GLIS1: variants seen among roughly 807,000 people sequenced by gnomAD.
GLIS1 encodes GLIS family zinc finger 1, also known as zinc finger protein GLIS1.
Under a neutral mutation model 63.8 loss-of-function variants are expected in GLIS1, and 24 were observed. That is an observed-to-expected ratio of 0.38 (90% CI 0.27 to 0.53). The LOEUF is 0.53. GLIS1 is among the 20% of genes least tolerant of loss of function. GLIS1 has a pLI of 0.85. For synonymous variants in GLIS1, 450 were observed against 482.5 expected, an observed-to-expected ratio of 0.93 and a Z score of 0.88; for missense variants, 1,036 against 1,074.1, an observed-to-expected ratio of 0.96 and a Z score of 0.50.
chr1:53,577,463 A>G (rs1244840035), intron 4 of GLIS1, among the ~76,000 whole-genome samples: 1 of 152,126 alleles, frequency 6.6e-6, no homozygotes, highest in Non-Finnish European at 1.5e-5. Flanking sequence ...CAAACACGTG[A>G]GTCTTACTGG....
intron 2 of GLIS1, among the ~76,000 whole-genome samples, chr1:53,731,983 C>T (rs1646866066): frequency 6.6e-6 from 1 of 152,218 alleles, no homozygotes; most frequent in African/African-American, 2.4e-5. Flanking sequence ...AGGCTCAAAG[C>T]ACAGGGCACG....
rs535147501 is a variant in GLIS1, at chr1:53,692,220, C to T, written c.259+45586G>A. 1.4e-4 allele frequency among the ~76,000 whole-genome samples: 21 copies of T among 152,292 alleles called. No individual in the cohort carries two copies. In the South Asian group the frequency reaches 2.3e-3, roughly 17 times the overall value. On this transcript the variant is annotated intron_variant, in intron 2 of 10. Transcript: ENST00000628545. ...TATAGAACAATAAAGCCCCTTTGAA[C>T]GAAGCACACCACGTAATGAGGCTTA...
intron 2 of GLIS1, among the ~76,000 whole-genome samples, chr1:53,670,855 T>G (rs60173571): frequency 0.01 from 1,581 of 152,354 alleles, 22 homozygotes; most frequent in African/African-American, 0.036. Flanking sequence ...TGAAGATGTT[T>G]ATCACGTTAC....
At chr1:53,613,101 G>A (rs1259011453) in intron 2 of GLIS1, among the ~76,000 whole-genome samples, 1 of 152,190 alleles carries the variant, frequency 6.6e-6, no homozygotes, top group Non-Finnish European at 1.5e-5. Context: ...TTACAGGCGT[G>A]AGCCCAGCCA....
chr1:53,660,909 C>T (rs1646020880), intron 2 of GLIS1, among the ~76,000 whole-genome samples: 1 of 152,184 alleles, frequency 6.6e-6, no homozygotes, highest in African/African-American at 2.4e-5. Flanking sequence ...GGACCACAGT[C>T]AGCAGCCAAG....
At chr1:53,529,642 A>T (rs1557434122) in intron 5 of GLIS1, 149 bp downstream of exon 5, 1 of 742,662 alleles carries the variant, frequency 1.3e-6, no homozygotes, top group Non-Finnish European at 2.2e-6. Context: ...TAGAATGCAG[A>T]GGACACCATC....
chr1:53,624,751 A>G (rs1645578265), intron 2 of GLIS1, among the ~76,000 whole-genome samples: 1 of 152,168 alleles, frequency 6.6e-6, no homozygotes, highest in Admixed American at 6.5e-5. Context: ...TTAGAAAGTG[A>G]AAAGGCAAGG....
chr1:53,707,072 T>C lies in GLIS1; in HGVS notation c.259+30734A>G, dbSNP rs190962499. 3.9e-5 allele frequency among the ~76,000 whole-genome samples: 6 copies of C among 152,254 alleles called. No individual in the cohort carries two copies. In the East Asian group the frequency reaches 7.7e-4, roughly 20 times the overall value. ...CATTCCCCCCGACCCATTTTCCTCA[T>C]ATGGGGGATGCAGGAAAGGATAATA... On this transcript the variant is annotated intron_variant, in intron 2 of 10. Coordinates refer to ENST00000628545, the MANE Select transcript of GLIS1 (RefSeq NM_001367484.1).
chr1:53,506,558 A>G lies in GLIS1; in HGVS notation c.*61T>C. On this transcript the variant is annotated 3_prime_UTR_variant, in exon 11 of 11. Coordinates refer to ENST00000628545, the MANE Select transcript of GLIS1 (RefSeq NM_001367484.1). ...GCTAGGTGCACGGAGGGTGGGAGCG[A>G]CAGCAGGTGGGCGAGGTGGCATCTG... The G allele has an allele frequency of 6.4e-7, 1 of 1,555,014 alleles. No individual in the cohort carries two copies. Among genetic ancestry groups the G allele is most frequent in the South Asian group, 1.2e-5 (1 of 86,722 alleles).
intron 4 of GLIS1, among the ~76,000 whole-genome samples, chr1:53,531,656 C>T (rs1644532183): frequency 6.6e-6 from 1 of 152,172 alleles, no homozygotes; most frequent in African/African-American, 2.4e-5. Context: ...GTGGGAGATG[C>T]ACACACGCAC....
At chr1:53,540,148 G>A (rs12750757) in intron 4 of GLIS1, among the ~76,000 whole-genome samples, 44,350 of 151,996 alleles carry the variant, frequency 0.29, 7,844 homozygotes, top group Non-Finnish European at 0.39. Context: ...CTCAGAGCTC[G>A]GCCCTGGGAG....
At chr1:53,593,947 A>G (rs1645219534) in intron 4 of GLIS1, among the ~76,000 whole-genome samples, 161 bp downstream of exon 4, 1 of 152,208 alleles carries the variant, frequency 6.6e-6, no homozygotes, top group African/African-American at 2.4e-5. Flanking sequence ...GACCGTCTTG[A>G]CCAGGGGCCA....
chr1:53,621,484 T>C (rs1428774990), intron 2 of GLIS1, among the ~76,000 whole-genome samples: 2 of 152,258 alleles, frequency 1.3e-5, no homozygotes, highest in Admixed American at 1.3e-4. Flanking sequence ...CAAGTGCCAG[T>C]TGGCTAAAAA....
intron 4 of GLIS1, among the ~76,000 whole-genome samples, chr1:53,577,170 C>G (rs1226411074): frequency 6.6e-6 from 1 of 151,536 alleles, no homozygotes; most frequent in Non-Finnish European, 1.5e-5. Flanking sequence ...TGAGGCTGAC[C>G]ACACCCCTCT....
chr1:53,715,688 G>A (rs949681076), intron 2 of GLIS1, among the ~76,000 whole-genome samples: 1 of 152,104 alleles, frequency 6.6e-6, no homozygotes, highest in Non-Finnish European at 1.5e-5. Flanking sequence ...AGCTGCCGGT[G>A]CAGGGAGACA....
In GLIS1 at chr1:53,600,174, G is replaced by T; in HGVS notation, c.364C>A (p.Pro122Thr). 8.1e-7 allele frequency: 1 copy of T among 1,231,660 alleles called. No individual in the cohort carries two copies. Among genetic ancestry groups the T allele is most frequent in the Non-Finnish European group, 1.0e-6 (1 of 987,542 alleles). The allele number at this position is 1,231,660 out of a possible 1,614,324, so 76.3% of individuals were successfully genotyped here. A position where few individuals can be genotyped will look rare whatever the true frequency, so the allele number is the denominator to read the frequency against. The change falls in exon 3 of 11, where the codon CCT becomes ACT. Residue 122 changes from proline (P) to threonine (T), a missense_variant. Coordinates refer to ENST00000628545, the MANE Select transcript of GLIS1 (RefSeq NM_001367484.1). ...GCCCGGGGCGGTGGGCTTCCTGCAG[G>T]GAGAAACAGGCCCTGGCAGCAGGTG... ...GPTCCQGLFLPAGSPPPRAHP... is the reference protein window; with the variant it reads ...GPTCCQGLFLTAGSPPPRAHP...
intron 2 of GLIS1, among the ~76,000 whole-genome samples, chr1:53,704,514 G>C (rs571886494): frequency 6.6e-6 from 1 of 152,288 alleles, no homozygotes; most frequent in South Asian, 2.1e-4. Context: ...TGCCACCCTG[G>C]GCCTGGGTGA....
chr1:53,577,123 TC>T (rs1225440825), intron 4 of GLIS1, among the ~76,000 whole-genome samples: 5 of 138,838 alleles, frequency 3.6e-5, no homozygotes, highest in African/African-American at 1.4e-4. Context: ...GGCTAGCTCC[TC>T]CAGCCTCCCC....
At chr1:53,555,642 A>T (rs1644811790) in intron 4 of GLIS1, among the ~76,000 whole-genome samples, 1 of 152,288 alleles carries the variant, frequency 6.6e-6, no homozygotes, top group African/African-American at 2.4e-5. Flanking sequence ...ATTACTACAC[A>T]TTACATGCCT....
Sources: gnomAD v4.1 joint callset for allele counts (sites outside exome capture counted in the v4.1 genomes callset) on GRCh38, gnomAD v4.1.1 for gene constraint, MANE v1.5 for transcripts, NCBI Gene and HGNC (gene_info 2026-07-23, HGNC 2026-07-21) for gene names.